The following OSBP2 variants were observed in gnomAD, a reference collection of about 807,000 sequenced individuals.
OSBP2 encodes oxysterol-binding protein 2.
OSBP2 carries 66 observed loss-of-function variants against 96.0 expected under a neutral mutation model. The observed-to-expected ratio is 0.69, with a 90% CI of 0.56 to 0.84. The LOEUF (loss-of-function observed/expected upper bound fraction) is 0.84. Ranked by LOEUF, OSBP2 falls within the 40% of genes least tolerant of loss-of-function variation. OSBP2 has a pLI of 0.00. For missense variants in OSBP2, 1,038 were observed against 1,222.7 expected, an observed-to-expected ratio of 0.85 and a Z score of 2.25; for synonymous variants, 525 against 520.9, an observed-to-expected ratio of 1.01 and a Z score of -0.11.
intron 12 of OSBP2, among the ~76,000 whole-genome samples, chr22:30,900,776 T>A (rs1164195690): frequency 6.6e-6 from 1 of 152,190 alleles, no homozygotes; most frequent in Non-Finnish European, 1.5e-5. Flanking sequence ...GGCCTTACAG[T>A]AATATTGTTT....
At chr22:30,709,973 C>A (rs774128885) in intron 1 of OSBP2, among the ~76,000 whole-genome samples, 9 of 151,962 alleles carry the variant, frequency 5.9e-5, no homozygotes, top group Admixed American at 5.9e-4. Context: ...ATCTCTGCCT[C>A]CCAGGTTCAA....
intron 2 of OSBP2, among the ~76,000 whole-genome samples, chr22:30,831,496 C>A (rs1245369140): frequency 2.0e-5 from 3 of 152,162 alleles, no homozygotes; most frequent in African/African-American, 7.2e-5. Context: ...GATCCACTGT[C>A]CTTGGTGGTT....
intron 2 of OSBP2, among the ~76,000 whole-genome samples, chr22:30,828,318 G>A (rs1473490013): frequency 1.3e-5 from 2 of 152,208 alleles, no homozygotes; most frequent in Non-Finnish European, 2.9e-5. Flanking sequence ...AGCTGCGTAG[G>A]GCACATAGTG....
Position 30,862,551 on chromosome 22 carries a change from A to T in OSBP2, c.854-7878A>T, listed in dbSNP as rs1012653281. 2.6e-5 allele frequency among the ~76,000 whole-genome samples: 4 copies of T among 152,172 alleles called. 1 individual carries two copies. Among genetic ancestry groups the T allele is most frequent in the Admixed American group, 2.6e-4 (4 of 15,282 alleles). On this transcript the variant is annotated intron_variant, in intron 2 of 13. Transcript: ENST00000332585. The stretch of plus-strand genomic sequence containing the variant: ...AAAAATTAGCTGGGCCTGGTGGCAC[A>T]TGCCTGTAATCTCAGCTACTGGGGA...
intron 1 of OSBP2, among the ~76,000 whole-genome samples, chr22:30,732,291 T>G (rs1203564466): frequency 6.6e-6 from 1 of 151,694 alleles, no homozygotes; most frequent in Non-Finnish European, 1.5e-5. Flanking sequence ...GCAACAAGAG[T>G]GAAACTCTGT....
intron 2 of OSBP2, among the ~76,000 whole-genome samples, chr22:30,809,149 C>G (rs565396209): frequency 1.2e-4 from 19 of 152,286 alleles, no homozygotes; most frequent in Admixed American, 9.1e-4. Context: ...GAGAATGTGG[C>G]CTTGCTGACA....
Position 30,757,303 on chromosome 22 carries a change from A to G in OSBP2, c.853+15934A>G, listed in dbSNP as rs146732731. ...ACGCTCCCTGCGTCCCCCCTGCCAT[A>G]TGAATCCCAAATGATTCCAGTGGAG... On this transcript the variant is annotated intron_variant, in intron 2 of 13. Coordinates refer to ENST00000332585, the MANE Select transcript of OSBP2 (RefSeq NM_030758.4). Among the ~76,000 whole-genome samples the G allele has an allele frequency of 3.9e-4, 59 of 152,218 alleles. 1 individual carries two copies. Among genetic ancestry groups the G allele is most frequent in the African/African-American group, 1.4e-3 (57 of 41,550 alleles).
At chr22:30,725,790 CT>C (rs136374) in intron 1 of OSBP2, among the ~76,000 whole-genome samples, 1,516 of 141,990 alleles carry the variant, frequency 0.011, 14 homozygotes, top group African/African-American at 0.031. Flanking sequence ...TCAAAAGAGT[CT>C]TTTTTTTTTT....
chr22:30,709,822 C>T (rs2089317596), intron 1 of OSBP2, among the ~76,000 whole-genome samples: 1 of 151,972 alleles, frequency 6.6e-6, no homozygotes. Context: ...AGATGTAAGG[C>T]CACCTCGCCC....
chr22:30,873,964 T>C (rs887686555), intron 3 of OSBP2, among the ~76,000 whole-genome samples: 2 of 152,072 alleles, frequency 1.3e-5, no homozygotes, highest in South Asian at 2.1e-4. Flanking sequence ...TGGTTGGGTG[T>C]GGTGGCTCAC....
At chr22:30,799,788 C>T (rs136273) in intron 2 of OSBP2, among the ~76,000 whole-genome samples, 29,009 of 152,210 alleles carry the variant, frequency 0.19, 2,849 homozygotes, top group Middle Eastern at 0.24. Flanking sequence ...TGAAGCATTA[C>T]TGTGGCAAGA....
At chr22:30,811,408 C>T (rs912574766) in intron 2 of OSBP2, among the ~76,000 whole-genome samples, 3 of 150,052 alleles carry the variant, frequency 2.0e-5, no homozygotes, top group Admixed American at 6.6e-5. Context: ...TGCAGTGGTG[C>T]GATCTCAGCT....
chr22:30,902,416 G>A, intron 12 of OSBP2: 1 of 1,576,836 alleles, frequency 6.3e-7, no homozygotes, highest in Non-Finnish European at 8.7e-7. Flanking sequence ...TGCACTGTTG[G>A]GCAATCAGTC....
In OSBP2 at chr22:30,695,249, G is replaced by A; in HGVS notation, c.340G>A (p.Val114Ile). 1 of 1,613,548 alleles carries A rather than the reference G, an allele frequency of 6.2e-7. No individual in the cohort carries two copies. The highest frequency in any genetic ancestry group is 1.1e-5 in the South Asian group (1 of 91,076). ...GCCGGGGTCAGAGTCAAGCTCAGGT[G>A]TAGGGGCTGGGCCCTTCACTAAGGC... ...SRPGSESSSG[V>I]GAGPFTKAAS... The change falls in exon 1 of 14, where the codon GTA (valine) becomes ATA (isoleucine). Residue 114 changes from valine (V) to isoleucine (I), a missense_variant. Physicochemically the swap from Val to Ile is conservative, Grantham distance 29. This residue lies in a region of OSBP2 where 281 missense variants were observed against 273.4 expected (regional missense o/e 1.03). Transcript: ENST00000332585.
intron 2 of OSBP2, among the ~76,000 whole-genome samples, chr22:30,758,797 T>C (rs1381426018): frequency 1.3e-5 from 2 of 151,892 alleles, no homozygotes; most frequent in African/African-American, 2.4e-5. Context: ...GCCCCCGATA[T>C]AGGTGTGGTG....
In OSBP2 at chr22:30,787,937, G is replaced by A. The variant is rs913258900; in HGVS notation, c.853+46568G>A. On this transcript the variant is annotated intron_variant, in intron 2 of 13. Coordinates refer to ENST00000332585, the MANE Select transcript of OSBP2 (RefSeq NM_030758.4). ...GGTCTTAGTGACAGACGGTAGTGTC[G>A]GAGGGTCTTGACAGTGGGAAAGGAC... Among the ~76,000 whole-genome samples the A allele has an allele frequency of 2.2e-4, 34 of 152,274 alleles. 4 individuals carry two copies. Among genetic ancestry groups the A allele is most frequent in the Admixed American group, 1.6e-3 (25 of 15,284 alleles).
Position 30,881,737 on chromosome 22 carries a change from C to T in OSBP2, c.1108-5689C>T, listed in dbSNP as rs762193982. The stretch of plus-strand genomic sequence containing the variant: ...CGCCTGCCTCTCCCCACAGCACAGC[C>T]AGGATGGGGCCTGGAGAAGGCCGGC... On this transcript the variant is annotated intron_variant, in intron 3 of 13. Transcript: ENST00000332585. This position sits in a 1 kb window ranked among gnomAD's most constrained non-coding sequence, Gnocchi z 4.5. 292 of 1,304,060 alleles carry T rather than the reference C, an allele frequency of 2.2e-4. No individual in the cohort carries two copies. The highest frequency in any genetic ancestry group is 2.9e-4 in the Non-Finnish European group (286 of 988,932). The allele number at this position is 1,304,060 out of a possible 1,614,324, so 80.8% of individuals were successfully genotyped here. A position where few individuals can be genotyped will look rare whatever the true frequency, so the allele number is the denominator to read the frequency against.
intron 2 of OSBP2, among the ~76,000 whole-genome samples, chr22:30,753,919 C>T (rs894561446): frequency 2.0e-5 from 3 of 152,178 alleles, no homozygotes; most frequent in African/African-American, 4.8e-5. Flanking sequence ...GTATTCCTTC[C>T]GTTTTGCCTG....
chr22:30,880,116 C>G (rs1332005424), intron 3 of OSBP2, among the ~76,000 whole-genome samples: 2 of 152,258 alleles, frequency 1.3e-5, no homozygotes, highest in African/African-American at 4.8e-5. Context: ...TCCTGTTACT[C>G]CAGTGAGTCC....
Sources: allele counts gnomAD v4.1 joint callset (sites outside exome capture counted in the v4.1 genomes callset), GRCh38; gene constraint gnomAD v4.1.1; regional missense constraint gnomAD v4.1.1; non-coding constraint Gnocchi (gnomAD v3.1); transcripts MANE v1.5; gene names NCBI Gene and HGNC (gene_info 2026-07-23, HGNC 2026-07-21).